The following TAFA5 variants were observed in gnomAD, a reference collection of about 807,000 sequenced individuals.
TAFA5 encodes chemokine-like protein TAFA-5.
TAFA5 carries 6 observed loss-of-function variants against 15.3 expected under a neutral mutation model. The ratio of observed to expected loss-of-function variants is 0.39; its 90% CI spans 0.21 to 0.77. The LOEUF (loss-of-function observed/expected upper bound fraction) is 0.77, where lower values mean the gene tolerates loss of function less well. Ranked by LOEUF, TAFA5 falls within the 30% of genes least tolerant of loss-of-function variation. The pLI is 0.41. For synonymous variants in TAFA5, 103 were observed against 80.7 expected, an observed-to-expected ratio of 1.28 and a Z score of -1.48; for missense variants, 161 against 193.1, an observed-to-expected ratio of 0.83 and a Z score of 0.98.
chr22:48,748,942 C>T (rs899448142), intron 3 of TAFA5, among the ~76,000 whole-genome samples: 1 of 152,148 alleles, frequency 6.6e-6, no homozygotes, highest in Non-Finnish European at 1.5e-5. Flanking sequence ...GATGAGTTTC[C>T]TGGCCAAGGT....
chr22:48,594,616 G>C lies in TAFA5; in HGVS notation c.113-51981G>C, dbSNP rs73889121. ...AGGCTCATGCTCCCGTCGGCTGCCA[G>C]CCATCTCTGCATCCTGCCTTTGAGC... On this transcript the variant is annotated intron_variant, in intron 1 of 3. Transcript: ENST00000402357. Among the ~76,000 whole-genome samples, 558 of 152,330 alleles carry C rather than the reference G, an allele frequency of 3.7e-3. 3 individuals are homozygous for C. Among genetic ancestry groups the C allele is most frequent in the African/African-American group, 0.012 (514 of 41,576 alleles).
chr22:48,588,463 G>T (rs189070531), intron 1 of TAFA5, among the ~76,000 whole-genome samples: 1 of 152,180 alleles, frequency 6.6e-6, no homozygotes, highest in Admixed American at 6.5e-5. Flanking sequence ...GGCATTGCTC[G>T]CAGTGGGAGG....
chr22:48,721,895 T>C (rs1476995810), intron 3 of TAFA5, among the ~76,000 whole-genome samples: 2 of 152,134 alleles, frequency 1.3e-5, no homozygotes, highest in Non-Finnish European at 2.9e-5. Context: ...CTTGATCGCT[T>C]GAACCTAGGA....
intron 2 of TAFA5, among the ~76,000 whole-genome samples, chr22:48,654,478 C>T (rs1302741379): frequency 6.6e-6 from 1 of 152,210 alleles, no homozygotes; most frequent in Non-Finnish European, 1.5e-5. Flanking sequence ...ACAGCTTATG[C>T]CTGCTCCACA....
At position 48,518,171 on chromosome 22, in the gene TAFA5, C is replaced by G. The variant is rs199997683; in HGVS notation, c.112+28467C>G. ...AGGTCTGGGAGGCTTTCTCCACCCT[C>G]GGGTCCCAGGAGCTGAGATGGTACC... On this transcript the variant is annotated intron_variant, in intron 1 of 3. Transcript: ENST00000402357. Among the ~76,000 whole-genome samples the G allele has an allele frequency of 2.0e-4, 30 of 152,336 alleles. No individual in the cohort carries two copies. The East Asian group carries it at 5.4e-3, about 28-fold the overall frequency.
chr22:48,693,205 G>A (rs1033587067), intron 2 of TAFA5: 4 of 1,268,904 alleles, frequency 3.2e-6, no homozygotes, highest in African/African-American at 3.0e-5. Flanking sequence ...CAGTGACGGG[G>A]CCTCACTCGT....
intron 3 of TAFA5, among the ~76,000 whole-genome samples, chr22:48,745,404 C>T (rs183711121): frequency 2.6e-4 from 37 of 143,580 alleles, no homozygotes; most frequent in Admixed American, 1.2e-3. Flanking sequence ...AGCATGGGCA[C>T]ACACGGCTTT....
At chr22:48,500,768 G>A (rs10460766) in intron 1 of TAFA5, among the ~76,000 whole-genome samples, 48,571 of 152,130 alleles carry the variant, frequency 0.32, 9,640 homozygotes, top group African/African-American at 0.55. Context: ...CCAGCCTGCC[G>A]TCGCCGCCTC....
intron 1 of TAFA5, among the ~76,000 whole-genome samples, chr22:48,558,125 A>T (rs1193703943): frequency 2.0e-5 from 3 of 152,158 alleles, no homozygotes; most frequent in Admixed American, 1.3e-4. Context: ...TCCCAGATGG[A>T]GAGCAAGCCG....
chr22:48,680,196 G>A (rs73175148), intron 2 of TAFA5, among the ~76,000 whole-genome samples: 14,180 of 152,322 alleles, frequency 0.093, 893 homozygotes, highest in Non-Finnish European at 0.14. Context: ...CCCAGGCCCT[G>A]GCTCCGGCCT....
At chr22:48,656,497 T>A (rs1392879328) in intron 2 of TAFA5, among the ~76,000 whole-genome samples, 1 of 149,944 alleles carries the variant, frequency 6.7e-6, no homozygotes, top group Non-Finnish European at 1.5e-5. Context: ...AGAGCGAGAC[T>A]CCATCTCAAA....
intron 1 of TAFA5, among the ~76,000 whole-genome samples, chr22:48,584,247 CACTT>C (rs1924234771): frequency 2.0e-5 from 3 of 148,626 alleles, no homozygotes; most frequent in African/African-American, 7.5e-5. Flanking sequence ...GGACACCACA[CACTT>C]ACAAAATACA....
At chr22:48,672,674 A>G (rs1313413113) in intron 2 of TAFA5, among the ~76,000 whole-genome samples, 2 of 152,194 alleles carry the variant, frequency 1.3e-5, no homozygotes, top group South Asian at 2.1e-4. Flanking sequence ...TCAGGAACCC[A>G]TGCACCATCC....
chr22:48,574,680 A>G (rs1477702873), intron 1 of TAFA5, among the ~76,000 whole-genome samples: 1 of 152,142 alleles, frequency 6.6e-6, no homozygotes, highest in African/African-American at 2.4e-5. Context: ...TTAGGCCCCG[A>G]TTCCTGCCCA....
intron 2 of TAFA5, among the ~76,000 whole-genome samples, chr22:48,660,301 A>C (rs1396697733): frequency 1.3e-5 from 2 of 152,206 alleles, no homozygotes; most frequent in African/African-American, 4.8e-5. Flanking sequence ...GCTTGAGCAC[A>C]GTTGCTGTTT....
chr22:48,571,271 C>CTTTTTTTTTTTTTTT (rs869050468), intron 1 of TAFA5, among the ~76,000 whole-genome samples: 1 of 97,712 alleles, frequency 1.0e-5, no homozygotes, highest in Non-Finnish European at 2.0e-5. Context: ...TTGTTGTTTG[C>CTTTTTTTTTTTTTTT]TTTTTTTTTT....
At chr22:48,607,838 C>G (rs1467672866) in intron 1 of TAFA5, among the ~76,000 whole-genome samples, 1 of 152,152 alleles carries the variant, frequency 6.6e-6, no homozygotes, top group Admixed American at 6.5e-5. Context: ...CTAAAACTTT[C>G]CATTTTTTGC....
At chr22:48,517,708 G>C (rs1410904542) in intron 1 of TAFA5, among the ~76,000 whole-genome samples, 1 of 137,402 alleles carries the variant, frequency 7.3e-6, no homozygotes, top group Non-Finnish European at 1.6e-5. Context: ...CTGGGCCTAG[G>C]CTGGGGCACC....
chr22:48,531,638 C>G (rs1921976301), intron 1 of TAFA5, among the ~76,000 whole-genome samples: 1 of 152,052 alleles, frequency 6.6e-6, no homozygotes, highest in African/African-American at 2.4e-5. Context: ...CCCTTCCTCG[C>G]CTGCAGGAGA....
Sources: gnomAD v4.1 joint callset for allele counts (sites outside exome capture counted in the v4.1 genomes callset) on GRCh38, gnomAD v4.1.1 for gene constraint, MANE v1.5 for transcripts, NCBI Gene and HGNC (gene_info 2026-07-23, HGNC 2026-07-21) for gene names.